The following THAP5 variants were observed in gnomAD, a reference collection of about 807,000 sequenced individuals.
THAP5 encodes THAP domain-containing protein 5.
In THAP5, 26 loss-of-function variants were observed where a neutral mutation model predicts 34.0. The observed-to-expected ratio is 0.77, with a 90% CI of 0.56 to 1.06. The LOEUF is 1.06. Ranked by LOEUF, THAP5 falls within the 50% of genes least tolerant of loss-of-function variation. The pLI, the probability that THAP5 is intolerant of heterozygous loss-of-function variation, is 0.00. For synonymous variants in THAP5, 125 were observed against 153.0 expected (o/e 0.82, Z 1.35); for missense variants, 394 against 452.8 (o/e 0.87, Z 1.18).
chr7:108,541,942 T>C, the THAP5 span, among the ~76,000 whole-genome samples: 1 of 152,232 alleles, frequency 6.6e-6, no homozygotes, highest in Non-Finnish European at 1.5e-5. Flanking sequence ...TATTTCCTTA[T>C]ATGTGAAGAT....
At chr7:108,553,891 T>C (rs1381900984), downstream of THAP5, among the ~76,000 whole-genome samples, 1 of 152,188 alleles carries the variant, frequency 6.6e-6, no homozygotes, top group Non-Finnish European at 1.5e-5. Flanking sequence ...CTCATGTGAT[T>C]GATGGCAAAG....
At chr7:108,552,138 G>A (rs1029467567), downstream of THAP5, among the ~76,000 whole-genome samples, 3 of 152,126 alleles carry the variant, frequency 2.0e-5, no homozygotes, top group African/African-American at 7.2e-5. Flanking sequence ...CCCCTGCCCA[G>A]CTAGAGACCC....
In THAP5 at chr7:108,569,485, C is replaced by T; in HGVS notation, c.80+5G>A. ...GCTGACGCTTCTGCTCCAGAAACAACTTACGGATAAAAACTCAGCTTCCGG... is the reference window on the plus strand; with the variant it reads ...GCTGACGCTTCTGCTCCAGAAACAATTTACGGATAAAAACTCAGCTTCCGG... On this transcript the variant is annotated splice_donor_5th_base_variant and intron_variant, in intron 1 of 2. Transcript: ENST00000415914. The T allele has an allele frequency of 6.4e-7, 1 of 1,551,760 alleles. No individual in the cohort carries two copies. Among genetic ancestry groups the T allele is most frequent in the South Asian group, 1.2e-5 (1 of 84,068 alleles).
At chr7:108,546,491 TCA>T in the THAP5 span, among the ~76,000 whole-genome samples, 1 of 152,186 alleles carries the variant, frequency 6.6e-6, no homozygotes, top group Non-Finnish European at 1.5e-5. Flanking sequence ...AGTTCTGGTT[TCA>T]GTTTTGCTCC....
chr7:108,546,510 A>G, the THAP5 span, among the ~76,000 whole-genome samples: 1 of 152,182 alleles, frequency 6.6e-6, no homozygotes, highest in Non-Finnish European at 1.5e-5. Flanking sequence ...CTCCAGATTA[A>G]CAACAACAAC....
At chr7:108,551,378 C>A (rs112731434), downstream of THAP5, among the ~76,000 whole-genome samples, 378 of 152,296 alleles carry the variant, frequency 2.5e-3, 1 homozygote, top group African/African-American at 8.4e-3. Flanking sequence ...TGTGTTCCCT[C>A]TCTTTCACTC....
intron 1 of THAP5, among the ~76,000 whole-genome samples, chr7:108,556,331 T>TC (rs1223728878): frequency 1.3e-5 from 2 of 152,126 alleles, no homozygotes; most frequent in Non-Finnish European, 2.9e-5. Context: ...AACTCAAAAG[T>TC]CCAAGTTCAA....
chr7:108,561,647 G>C (rs1864432037), downstream of THAP5, among the ~76,000 whole-genome samples: 1 of 152,106 alleles, frequency 6.6e-6, no homozygotes, highest in South Asian at 2.1e-4. Context: ...GGAAGGAGAG[G>C]CAGGAAAGGA....
chr7:108,564,100 A>C lies in THAP5; in HGVS notation c.*91T>G, dbSNP rs1790422098. 1 of 1,047,416 alleles carries C rather than the reference A, an allele frequency of 9.5e-7. No individual in the cohort carries two copies. The highest frequency in any genetic ancestry group is 1.6e-5 in the African/African-American group (1 of 62,482). 64.9% of individuals were successfully genotyped at this position (1,047,416 alleles called of 1,614,324 possible). On this transcript the variant is annotated 3_prime_UTR_variant, in exon 3 of 3. Coordinates refer to ENST00000415914, the MANE Select transcript of THAP5 (RefSeq NM_001130475.3). ...ACTCTCATAGGTTCATTAAGATGAGAACTTTATACAGGAAACAGTTCACTT... is the reference window on the plus strand; with the variant it reads ...ACTCTCATAGGTTCATTAAGATGAGCACTTTATACAGGAAACAGTTCACTT...
chr7:108,555,942 A>T (rs1012558692), intron 1 of THAP5, among the ~76,000 whole-genome samples: 6 of 152,206 alleles, frequency 3.9e-5, no homozygotes, highest in Non-Finnish European at 5.9e-5. Context: ...ACCTCAGGTA[A>T]TGCACCTGCC....
downstream of THAP5, among the ~76,000 whole-genome samples, chr7:108,553,250 C>T (rs1864365124): frequency 6.6e-6 from 1 of 151,924 alleles, no homozygotes; most frequent in Non-Finnish European, 1.5e-5. Flanking sequence ...GCTATGTTGC[C>T]CAGGCTGGTC....
rs934677841 is a variant in THAP5 at position 108,562,303 on chromosome 7, G to A, written c.*1888C>T. ...GTATTAAATTAAGTATTTGCAAAATGCAACATAGGAATACTTAATAACACT... is the reference window on the plus strand; with the variant it reads ...GTATTAAATTAAGTATTTGCAAAATACAACATAGGAATACTTAATAACACT... On this transcript the variant is annotated 3_prime_UTR_variant, in exon 3 of 3. Transcript: ENST00000415914. 2.6e-5 allele frequency: 4 copies of A among 152,076 alleles called. No homozygotes were observed. The highest frequency in any genetic ancestry group is 9.7e-5 in the African/African-American group (4 of 41,400). The allele number at this position is 152,076 out of a possible 1,614,324, so 9.4% of individuals were successfully genotyped here. A position where few individuals can be genotyped will look rare whatever the true frequency, so the allele number is the denominator to read the frequency against.
intron 2 of THAP5, chr7:108,565,541 C>T (rs1790467975): frequency 4.7e-6 from 1 of 212,932 alleles, no homozygotes; most frequent in Admixed American, 5.3e-5. Context: ...GCACTCTAGC[C>T]AGGGTGACAG....
downstream of THAP5, among the ~76,000 whole-genome samples, chr7:108,558,140 C>T (rs1208100440): frequency 6.6e-6 from 1 of 151,764 alleles, no homozygotes; most frequent in East Asian, 1.9e-4. Context: ...CCACTAGACC[C>T]CCCTTCCTCC....
rs906265226 is a variant in THAP5 at position 108,562,372 on chromosome 7, A to G, written c.*1819T>C. On this transcript the variant is annotated 3_prime_UTR_variant, in exon 3 of 3. Transcript: ENST00000415914. ...CCCCATAATTTATGCAAAAATTTTA[A>G]GTTTTTCCCCCATCGTCACCTAAGA... The G allele has an allele frequency of 3.3e-5, 5 of 152,200 alleles. No homozygotes were observed. The highest frequency in any genetic ancestry group is 3.3e-4 in the Admixed American group (5 of 15,274). 9.4% of individuals were successfully genotyped at this position (152,200 alleles called of 1,614,324 possible).
the THAP5 span, among the ~76,000 whole-genome samples, chr7:108,542,509 C>T: frequency 1.3e-5 from 2 of 152,216 alleles, no homozygotes; most frequent in Admixed American, 1.3e-4. Flanking sequence ...GGTGCCCAGG[C>T]TGGAGTGCAG....
At chr7:108,561,277 T>TG (rs1253046901), downstream of THAP5, among the ~76,000 whole-genome samples, 5 of 150,784 alleles carry the variant, frequency 3.3e-5, no homozygotes, top group Non-Finnish European at 4.4e-5. Flanking sequence ...CATTTTTTTT[T>TG]TTTAAAGACA....
chr7:108,552,047 G>A (rs1386929352), downstream of THAP5, among the ~76,000 whole-genome samples: 1 of 152,150 alleles, frequency 6.6e-6, no homozygotes, highest in African/African-American at 2.4e-5. Flanking sequence ...CTGAGTATGT[G>A]ATAGAGGCTA....
chr7:108,566,727 G>C (rs940937839), intron 1 of THAP5, among the ~76,000 whole-genome samples: 1 of 152,084 alleles, frequency 6.6e-6, no homozygotes, highest in Non-Finnish European at 1.5e-5. Flanking sequence ...TATTTTATAT[G>C]AAACAAATCA....
Sources: gnomAD v4.1 joint callset for allele counts (sites outside exome capture counted in the v4.1 genomes callset) on GRCh38, gnomAD v4.1.1 for gene constraint, MANE v1.5 for transcripts, NCBI Gene and HGNC (gene_info 2026-07-23, HGNC 2026-07-21) for gene names.